The following PLCB1 variants were observed in gnomAD, a reference collection of about 807,000 sequenced individuals.
The protein encoded by PLCB1 is 1-phosphatidylinositol 4,5-bisphosphate phosphodiesterase beta-1.
A neutral mutation model predicts 161.8 loss-of-function variants in PLCB1; 46 were observed. That is an observed-to-expected ratio of 0.28 (90% CI 0.22 to 0.36). The LOEUF is 0.36. Among genes scored for constraint, PLCB1 ranks in the 10% least tolerant of loss-of-function variants. The pLI is 1.00. For missense variants in PLCB1, 1,016 were observed against 1,472.5 expected, an observed-to-expected ratio of 0.69 and a Z score of 5.07; for synonymous variants, 517 against 503.7, an observed-to-expected ratio of 1.03 and a Z score of -0.35.
chr20:8,464,191 C>A (rs1981710739), intron 3 of PLCB1, among the ~76,000 whole-genome samples: 1 of 152,152 alleles, frequency 6.6e-6, no homozygotes, highest in African/African-American at 2.4e-5. Flanking sequence ...GAAGTAATCT[C>A]TTCCTCTGGT....
chr20:8,185,199 A>G (rs1418276649), intron 2 of PLCB1, among the ~76,000 whole-genome samples: 2 of 152,162 alleles, frequency 1.3e-5, no homozygotes, highest in African/African-American at 2.4e-5. Context: ...AGTGATATCT[A>G]CCAAAACTAC....
intron 3 of PLCB1, among the ~76,000 whole-genome samples, chr20:8,493,432 T>C (rs2122783292): frequency 6.6e-6 from 1 of 152,332 alleles, no homozygotes; most frequent in East Asian, 1.9e-4. Context: ...TTTTACATCA[T>C]TTGATTTTAG....
intron 3 of PLCB1, among the ~76,000 whole-genome samples, chr20:8,416,135 A>C (rs1346957872): frequency 6.6e-6 from 1 of 152,058 alleles, no homozygotes; most frequent in Non-Finnish European, 1.5e-5. Flanking sequence ...ATTCTGTTTG[A>C]CTCATGTGTG....
intron 16 of PLCB1, among the ~76,000 whole-genome samples, chr20:8,725,126 T>C (rs1032345948): frequency 5.3e-5 from 8 of 152,158 alleles, no homozygotes; most frequent in Admixed American, 5.2e-4. Context: ...TGAAATAAAC[T>C]ATCTACCTGT....
chr20:8,402,761 A>C (rs958455798), intron 3 of PLCB1, among the ~76,000 whole-genome samples: 5 of 151,848 alleles, frequency 3.3e-5, no homozygotes, highest in Admixed American at 3.3e-4. Flanking sequence ...AGGAGAATGG[A>C]GTGAACCTGG....
intron 4 of PLCB1, among the ~76,000 whole-genome samples, chr20:8,639,474 A>C (rs1471128164): frequency 3.9e-5 from 6 of 152,188 alleles, no homozygotes; most frequent in Admixed American, 2.6e-4. Flanking sequence ...TTTCTCATAG[A>C]TCGAGATGCC....
chr20:8,140,791 C>A (rs564625941), intron 1 of PLCB1, among the ~76,000 whole-genome samples: 1 of 152,052 alleles, frequency 6.6e-6, no homozygotes, highest in Non-Finnish European at 1.5e-5. Flanking sequence ...CAACAAAAAA[C>A]TTTTTATTTT....
At chr20:8,378,575 G>A (rs546948500) in intron 3 of PLCB1, among the ~76,000 whole-genome samples, 1 of 152,280 alleles carries the variant, frequency 6.6e-6, no homozygotes, top group South Asian at 2.1e-4. Context: ...GTCTTGCCTC[G>A]ATATCAAAGG....
chr20:8,608,114 A>G (rs1381423133), intron 3 of PLCB1, among the ~76,000 whole-genome samples: 1 of 152,146 alleles, frequency 6.6e-6, no homozygotes, highest in Non-Finnish European at 1.5e-5. Flanking sequence ...TGTAAAATGT[A>G]GAGATCATCA....
intron 7 of PLCB1, among the ~76,000 whole-genome samples, chr20:8,653,744 G>A (rs929777179): frequency 6.6e-5 from 10 of 151,554 alleles, no homozygotes; most frequent in African/African-American, 1.5e-4. Flanking sequence ...GCAGACCACC[G>A]TCCCAAAACT....
In PLCB1 at chr20:8,532,593, A is replaced by C. The variant is rs559040684; in HGVS notation, c.247-95701A>C. Among the ~76,000 whole-genome samples the C allele has an allele frequency of 9.8e-5, 15 of 152,364 alleles. 1 individual carries two copies. In the South Asian group the frequency reaches 3.1e-3, roughly 32 times the overall value. On this transcript the variant is annotated intron_variant, in intron 3 of 31. Coordinates refer to ENST00000338037, the MANE Select transcript of PLCB1 (RefSeq NM_015192.4). ...CTGATTCTAAAGATTCACATTAAACAGAAATAGAGCAAAACCATAAAGCCA... is the reference window on the plus strand; with the variant it reads ...CTGATTCTAAAGATTCACATTAAACCGAAATAGAGCAAAACCATAAAGCCA...
chr20:8,793,570 G>A (rs1206111666), intron 31 of PLCB1, among the ~76,000 whole-genome samples: 1 of 152,150 alleles, frequency 6.6e-6, no homozygotes, highest in East Asian at 1.9e-4. Context: ...AAACCAGCAA[G>A]TTTTTATTAG....
At chr20:8,582,392 A>G (rs983977433) in intron 3 of PLCB1, among the ~76,000 whole-genome samples, 4 of 152,132 alleles carry the variant, frequency 2.6e-5, no homozygotes, top group Non-Finnish European at 4.4e-5. Flanking sequence ...GTGGTGTCAA[A>G]GGTCAGGCTT....
chr20:8,614,752 A>G (rs1434636711), intron 3 of PLCB1, among the ~76,000 whole-genome samples: 1 of 152,092 alleles, frequency 6.6e-6, no homozygotes, highest in Non-Finnish European at 1.5e-5. Context: ...CATTTCAAGT[A>G]TTCAATAGCC....
At chr20:8,176,131 T>A (rs530423424) in intron 2 of PLCB1, among the ~76,000 whole-genome samples, 1 of 152,310 alleles carries the variant, frequency 6.6e-6, no homozygotes, top group East Asian at 1.9e-4. Flanking sequence ...AACTATTGTA[T>A]TATGAAGCGT....
intron 3 of PLCB1, among the ~76,000 whole-genome samples, chr20:8,587,022 T>C (rs1247272685): frequency 6.6e-6 from 1 of 152,126 alleles, no homozygotes; most frequent in Non-Finnish European, 1.5e-5. Context: ...ATGATATTTT[T>C]ATTAAATTTG....
chr20:8,513,110 C>T (rs1011234303), intron 3 of PLCB1, among the ~76,000 whole-genome samples: 2 of 151,942 alleles, frequency 1.3e-5, no homozygotes, highest in African/African-American at 2.4e-5. Flanking sequence ...ATGTTTAAAC[C>T]AAAGGTTTCA....
intron 31 of PLCB1, among the ~76,000 whole-genome samples, chr20:8,801,167 C>T (rs548156385): frequency 2.0e-5 from 3 of 152,280 alleles, no homozygotes; most frequent in African/African-American, 7.2e-5. Flanking sequence ...ACACTGGGCT[C>T]ATTGCTAGGC....
At chr20:8,802,118 CT>C in intron 31 of PLCB1, 1 of 1,611,630 alleles carries the variant, frequency 6.2e-7, no homozygotes, top group South Asian at 1.1e-5. Flanking sequence ...TTTCCCCCAA[CT>C]TTACTCCCCC....
Sources: allele counts gnomAD v4.1 joint callset (sites outside exome capture counted in the v4.1 genomes callset), GRCh38; gene constraint gnomAD v4.1.1; transcripts MANE v1.5; gene names NCBI Gene and HGNC (gene_info 2026-07-23, HGNC 2026-07-21).